The following CCSER1 variants were observed in gnomAD, a reference collection of about 807,000 sequenced individuals.
The protein encoded by CCSER1 is serine-rich coiled-coil domain-containing protein 1.
Under a neutral mutation model 82.0 loss-of-function variants are expected in CCSER1, and 41 were observed. The observed-to-expected ratio is 0.50, with a 90% confidence interval of 0.39 to 0.65. CCSER1 has a LOEUF of 0.65. Among genes scored for constraint, CCSER1 ranks in the 30% least tolerant of loss-of-function variants. The probability of loss-of-function intolerance (pLI) is 0.00; values close to 1 mark genes in which losing one functional copy is unlikely to be tolerated. For synonymous variants in CCSER1, 414 were observed against 383.9 expected, an observed-to-expected ratio of 1.08 and a Z score of -0.92; for missense variants, 1,119 against 1,064.2, an observed-to-expected ratio of 1.05 and a Z score of -0.72.
intron 10 of CCSER1, among the ~76,000 whole-genome samples, chr4:91,230,058 TAAGAG>T (rs986735416): frequency 6.6e-5 from 10 of 152,228 alleles, no homozygotes; most frequent in African/African-American, 2.4e-4. Flanking sequence ...AAGCAACAGA[TAAGAG>T]TTTTTGAACA....
intron 5 of CCSER1, among the ~76,000 whole-genome samples, chr4:90,601,037 G>A (rs138800424): frequency 1.5e-3 from 222 of 151,780 alleles, no homozygotes; most frequent in African/African-American, 5.1e-3. Flanking sequence ...GTACAAACTC[G>A]TTAAATAACT....
chr4:91,564,996 T>C (rs1291438673), intron 10 of CCSER1, among the ~76,000 whole-genome samples: 1 of 151,116 alleles, frequency 6.6e-6, no homozygotes, highest in Admixed American at 6.7e-5. Flanking sequence ...CATCTTGGGT[T>C]TTAAATTTAA....
At chr4:90,938,188 A>C (rs1344689898) in intron 9 of CCSER1, among the ~76,000 whole-genome samples, 1 of 152,116 alleles carries the variant, frequency 6.6e-6, no homozygotes, top group Non-Finnish European at 1.5e-5. Flanking sequence ...TAATAAGATA[A>C]TAATTGTTGC....
intron 9 of CCSER1, among the ~76,000 whole-genome samples, chr4:90,989,351 A>G (rs1362719047): frequency 6.6e-6 from 1 of 151,678 alleles, no homozygotes. Flanking sequence ...ATCATTGTTT[A>G]CCATTTCTAT....
At chr4:91,134,938 T>C (rs968355111) in intron 10 of CCSER1, among the ~76,000 whole-genome samples, 18 of 151,850 alleles carry the variant, frequency 1.2e-4, no homozygotes, top group African/African-American at 4.1e-4. Context: ...CGCATGCTTG[T>C]AGTCCCAGCT....
chr4:90,708,633 T>C (rs1425989224), intron 6 of CCSER1, among the ~76,000 whole-genome samples: 1 of 152,178 alleles, frequency 6.6e-6, no homozygotes, highest in Non-Finnish European at 1.5e-5. Flanking sequence ...CTTTATTATT[T>C]ATTTATGTTT....
intron 1 of CCSER1, among the ~76,000 whole-genome samples, chr4:90,247,064 A>C (rs969202266): frequency 6.6e-6 from 1 of 152,198 alleles, no homozygotes; most frequent in Admixed American, 6.6e-5. Flanking sequence ...TAGCGCCTAC[A>C]GCATGAATCT....
chr4:90,772,414 G>T (rs1266871208), intron 7 of CCSER1, among the ~76,000 whole-genome samples: 1 of 152,044 alleles, frequency 6.6e-6, no homozygotes, highest in Non-Finnish European at 1.5e-5. Context: ...ATTATTTATT[G>T]ATTACTGTTC....
At position 90,930,627 on chromosome 4, in the gene CCSER1, GGAAAA is replaced by G. The variant is rs1729627676; in HGVS notation, c.2172+7186_2172+7190del. On this transcript the variant is annotated intron_variant, in intron 9 of 10. Coordinates refer to ENST00000509176, the MANE Select transcript of CCSER1 (RefSeq NM_001145065.2). ...GACTCTGTCTCAAAAAAAAGAAAAA[GGAAAA>G]GAAAAAAAAAGTCCTTACAGAAAGA... Among the ~76,000 whole-genome samples, 3 of 150,004 alleles carry G rather than the reference GGAAAA, an allele frequency of 2.0e-5. No individual in the cohort carries two copies. The East Asian group carries it at 5.9e-4, about 30-fold the overall frequency.
intron 1 of CCSER1, among the ~76,000 whole-genome samples, chr4:90,267,953 C>T (rs139663541): frequency 1.1e-4 from 17 of 152,126 alleles, no homozygotes; most frequent in South Asian, 4.1e-4. Context: ...TGTCAGTAGA[C>T]GCTTCCAAGG....
chr4:90,232,933 C>T (rs1223911801), intron 1 of CCSER1, among the ~76,000 whole-genome samples: 1 of 150,878 alleles, frequency 6.6e-6, no homozygotes, highest in Non-Finnish European at 1.5e-5. Flanking sequence ...GATACCATCT[C>T]ACACCAGTTA....
chr4:90,253,629 T>C (rs1722768412), intron 1 of CCSER1, among the ~76,000 whole-genome samples: 1 of 152,202 alleles, frequency 6.6e-6, no homozygotes, highest in Admixed American at 6.6e-5. Context: ...CTTAGTCTTA[T>C]TGTTGTTGTT....
intron 5 of CCSER1, among the ~76,000 whole-genome samples, chr4:90,550,892 C>T (rs541342686): frequency 1.3e-5 from 2 of 152,194 alleles, no homozygotes; most frequent in African/African-American, 2.4e-5. Flanking sequence ...TTGTTAACAT[C>T]GTTCTAGTTG....
intron 10 of CCSER1, among the ~76,000 whole-genome samples, chr4:91,255,244 A>G (rs1740594164): frequency 6.6e-6 from 1 of 152,148 alleles, no homozygotes; most frequent in African/African-American, 2.4e-5. Context: ...TTTCTGAGTC[A>G]ATTTCTTCAC....
intron 6 of CCSER1, among the ~76,000 whole-genome samples, chr4:90,628,798 A>C (rs561643889): frequency 7.9e-5 from 12 of 152,198 alleles, no homozygotes; most frequent in African/African-American, 2.9e-4. Flanking sequence ...AGATTCTTTT[A>C]CCCTTGTGCC....
At chr4:90,355,760 T>C (rs1744270078) in intron 3 of CCSER1, among the ~76,000 whole-genome samples, 1 of 152,040 alleles carries the variant, frequency 6.6e-6, no homozygotes, top group African/African-American at 2.4e-5. Context: ...TTGGCATTTG[T>C]TCAGATGCTG....
intron 5 of CCSER1, among the ~76,000 whole-genome samples, chr4:90,587,397 G>A (rs1388738643): frequency 6.6e-6 from 1 of 152,152 alleles, no homozygotes; most frequent in Non-Finnish European, 1.5e-5. Flanking sequence ...AGATCACGAG[G>A]TCAAGAGATC....
intron 9 of CCSER1, among the ~76,000 whole-genome samples, chr4:91,082,141 A>G (rs1722831312): frequency 1.3e-5 from 2 of 152,236 alleles, no homozygotes; most frequent in Admixed American, 1.3e-4. Flanking sequence ...AGTTGGAGGC[A>G]TCATGCTACC....
At chr4:91,306,793 C>G (rs534091433) in intron 10 of CCSER1, among the ~76,000 whole-genome samples, 2 of 151,994 alleles carry the variant, frequency 1.3e-5, no homozygotes, top group African/African-American at 2.4e-5. Context: ...ACAAATTGAC[C>G]ACAGCTATTA....
Sources: gnomAD v4.1 joint callset for allele counts (sites outside exome capture counted in the v4.1 genomes callset) on GRCh38, gnomAD v4.1.1 for gene constraint, MANE v1.5 for transcripts, NCBI Gene and HGNC (gene_info 2026-07-23, HGNC 2026-07-21) for gene names.